The following GALNT13 variants were observed in gnomAD, a reference collection of about 807,000 sequenced individuals.
GALNT13 encodes the protein polypeptide N-acetylgalactosaminyltransferase 13.
Under a neutral mutation model 64.2 loss-of-function variants are expected in GALNT13, and 28 were observed. The ratio of observed to expected loss-of-function variants is 0.44; its 90% CI spans 0.32 to 0.60. The LOEUF (loss-of-function observed/expected upper bound fraction) is 0.60. GALNT13 is among the 20% of genes least tolerant of loss of function. The pLI is 0.05. For synonymous variants in GALNT13, 214 were observed against 224.6 expected, an observed-to-expected ratio of 0.95 and a Z score of 0.42; for missense variants, 577 against 669.8, an observed-to-expected ratio of 0.86 and a Z score of 1.53.
chr2:153,399,433 T>G, the GALNT13 span, among the ~76,000 whole-genome samples: 2 of 152,198 alleles, frequency 1.3e-5, no homozygotes, highest in African/African-American at 4.8e-5. Context: ...ATATGAACTT[T>G]AAAGTAGTTT....
chr2:153,269,508 A>G, the GALNT13 span, among the ~76,000 whole-genome samples: 1 of 152,220 alleles, frequency 6.6e-6, no homozygotes, highest in Non-Finnish European at 1.5e-5. Flanking sequence ...ACAAGTCTCT[A>G]GGAAAATCCA....
At chr2:154,034,757 T>C (rs1285626027) in intron 3 of GALNT13, among the ~76,000 whole-genome samples, 3 of 152,172 alleles carry the variant, frequency 2.0e-5, no homozygotes, top group Non-Finnish European at 4.4e-5. Flanking sequence ...TCTGTGTTGA[T>C]ACAAAAGATA....
intron 4 of GALNT13, among the ~76,000 whole-genome samples, chr2:154,234,979 C>T (rs1689117382): frequency 6.6e-6 from 1 of 152,124 alleles, no homozygotes; most frequent in African/African-American, 2.4e-5. Context: ...GCCGTATATT[C>T]TAATATGGGA....
chr2:153,593,457 C>T, the GALNT13 span, among the ~76,000 whole-genome samples: 36,940 of 152,022 alleles, frequency 0.24, 5,418 homozygotes, highest in African/African-American at 0.41. Flanking sequence ...CTCAGACACA[C>T]CTAGCCCTGC....
the GALNT13 span, among the ~76,000 whole-genome samples, chr2:153,493,294 A>T: frequency 4.6e-5 from 7 of 152,048 alleles, no homozygotes; most frequent in Admixed American, 1.3e-4. Flanking sequence ...ACAGAGAGAG[A>T]GAAAAGGAGG....
the GALNT13 span, among the ~76,000 whole-genome samples, chr2:153,161,746 A>T: frequency 3.3e-5 from 5 of 152,176 alleles, no homozygotes; most frequent in Non-Finnish European, 7.3e-5. Context: ...GACTGGGCTC[A>T]GGTTTTGTAG....
the GALNT13 span, among the ~76,000 whole-genome samples, chr2:153,399,512 G>A: frequency 1.3e-5 from 2 of 152,010 alleles, no homozygotes; most frequent in East Asian, 3.9e-4. Flanking sequence ...AATTACCTTG[G>A]GCAGTATGGC....
At chr2:153,580,087 G>T in the GALNT13 span, among the ~76,000 whole-genome samples, 1 of 152,088 alleles carries the variant, frequency 6.6e-6, no homozygotes, top group Non-Finnish European at 1.5e-5. Context: ...ATGAGAGTTT[G>T]CTTAGCTTGG....
chr2:154,045,264 G>A (rs1699217438), intron 3 of GALNT13, among the ~76,000 whole-genome samples: 1 of 152,180 alleles, frequency 6.6e-6, no homozygotes, highest in Non-Finnish European at 1.5e-5. Flanking sequence ...TTGGAAGACA[G>A]GACTTTATTT....
intron 8 of GALNT13, among the ~76,000 whole-genome samples, chr2:154,277,652 A>G (rs1401420886): frequency 6.6e-6 from 1 of 152,170 alleles, no homozygotes; most frequent in Non-Finnish European, 1.5e-5. Context: ...AATTTCATCC[A>G]ACTGTAAAAA....
intron 3 of GALNT13, among the ~76,000 whole-genome samples, chr2:153,945,047 T>C (rs1367394869): frequency 6.6e-6 from 1 of 152,148 alleles, no homozygotes; most frequent in Non-Finnish European, 1.5e-5. Flanking sequence ...AAACGAACTG[T>C]GCATGAATGA....
the GALNT13 span, among the ~76,000 whole-genome samples, chr2:153,196,194 G>A: frequency 6.6e-6 from 1 of 152,124 alleles, no homozygotes; most frequent in Non-Finnish European, 1.5e-5. Flanking sequence ...CCTTACTGGG[G>A]ACCCACCTGT....
At chr2:153,082,660 C>CATAT in the GALNT13 span, among the ~76,000 whole-genome samples, 1 of 90,004 alleles carries the variant, frequency 1.1e-5, no homozygotes, top group East Asian at 3.4e-4. Flanking sequence ...CACACACACA[C>CATAT]ACACATATAT....
chr2:153,181,694 A>G, the GALNT13 span, among the ~76,000 whole-genome samples: 1 of 145,588 alleles, frequency 6.9e-6, no homozygotes, highest in Non-Finnish European at 1.5e-5. Flanking sequence ...TATTTATATA[A>G]TTATATTACA....
the GALNT13 span, among the ~76,000 whole-genome samples, chr2:153,277,926 T>TTTTTTTTTTTTTTTTTTTTTTTTTTG: frequency 1.2e-5 from 1 of 81,560 alleles, no homozygotes; most frequent in Non-Finnish European, 2.6e-5. Context: ...TTCTTTTCTT[T>TTTTTTTTTTTTTTTTTTTTTTTTTTG]CTTTTTTTTT....
chr2:154,216,802 CTTTTTTT>C (rs397872685), intron 4 of GALNT13, among the ~76,000 whole-genome samples: 5 of 71,296 alleles, frequency 7.0e-5, no homozygotes, highest in Admixed American at 1.8e-4. Flanking sequence ...TTCTCTCTCT[CTTTTTTT>C]TTTTTTTTTT....
chr2:154,343,871 T>A (rs944750276), intron 9 of GALNT13, among the ~76,000 whole-genome samples: 1 of 152,200 alleles, frequency 6.6e-6, no homozygotes, highest in African/African-American at 2.4e-5. Context: ...CTGCTCTGAC[T>A]GTTTTTACTG....
At chr2:154,126,576 A>C (rs1415061746) in intron 3 of GALNT13, among the ~76,000 whole-genome samples, 1 of 151,436 alleles carries the variant, frequency 6.6e-6, no homozygotes, top group Non-Finnish European at 1.5e-5. Flanking sequence ...CGGAGCTTGC[A>C]GTGAGCCGAG....
At chr2:154,052,022 C>G (rs572149045) in intron 3 of GALNT13, among the ~76,000 whole-genome samples, 10 of 151,990 alleles carry the variant, frequency 6.6e-5, no homozygotes, top group Non-Finnish European at 1.3e-4. Context: ...TGCAGTTATA[C>G]TCATACTCCT....
Sources: gnomAD v4.1 joint callset for allele counts (sites outside exome capture counted in the v4.1 genomes callset) on GRCh38, gnomAD v4.1.1 for gene constraint, MANE v1.5 for transcripts, NCBI Gene and HGNC (gene_info 2026-07-23, HGNC 2026-07-21) for gene names.